Variants in DPH6 observed in about 807,000 individuals in gnomAD.
DPH6 encodes diphthamine biosynthesis 6.
Under a neutral mutation model 38.2 loss-of-function variants are expected in DPH6, and 33 were observed. The observed-to-expected ratio is 0.86, with a 90% confidence interval of 0.65 to 1.15. DPH6 has a LOEUF of 1.15. Among genes scored for constraint, DPH6 ranks in the 50% most tolerant of loss-of-function variants. The pLI is 0.00. For synonymous variants in DPH6, 108 were observed against 103.0 expected (o/e 1.05, Z -0.30); for missense variants, 325 against 320.0 (o/e 1.02, Z -0.12).
rs750520988 is a variant in DPH6 at position 35,348,827 on chromosome 15, A to G, written n.208-17750T>C. Among the ~76,000 whole-genome samples the G allele has an allele frequency of 2.0e-5, 3 of 152,050 alleles. No homozygotes were observed. The South Asian group carries it at 6.2e-4, about 32-fold the overall frequency. On this transcript the variant is annotated intron_variant and non_coding_transcript_variant, in intron 3 of 3. Transcript: ENST00000558973. ...TGTGTCTTGTTTAATTTTTTTCAGC[A>G]ATGTTTTAGAATTCTCAGTGTATAC...
chr15:35,237,320 CGA>C, intron 3 of DPH6: 1 of 1,587,104 alleles, frequency 6.3e-7, no homozygotes, highest in South Asian at 1.1e-5. Flanking sequence ...GCAGAGAACG[CGA>C]GAGATGAAGA....
rs919504619 is a variant in DPH6, at chr15:35,531,474, TA to T, written c.312+6799del. 9.2e-5 allele frequency among the ~76,000 whole-genome samples: 14 copies of T among 152,256 alleles called. 1 individual carries two copies. The highest frequency in any genetic ancestry group is 5.8e-4 in the East Asian group (3 of 5,178). On this transcript the variant is annotated intron_variant, in intron 3 of 8. Transcript: ENST00000256538. ...GCTCCCCTGTATCCGATAATTACATTAAAAAAATTTTTTTTGAGGCAGAGTC... is the reference window on the plus strand; with the variant it reads ...GCTCCCCTGTATCCGATAATTACATTAAAAAATTTTTTTTGAGGCAGAGTC...
At chr15:35,442,486 C>T (rs564874174) in intron 5 of DPH6, among the ~76,000 whole-genome samples, 2 of 152,186 alleles carry the variant, frequency 1.3e-5, no homozygotes, top group South Asian at 4.2e-4. Flanking sequence ...AAACGTTAAA[C>T]ATAGAATTAT....
At chr15:35,500,295 C>T (rs1014427021) in intron 3 of DPH6, among the ~76,000 whole-genome samples, 3 of 152,092 alleles carry the variant, frequency 2.0e-5, no homozygotes, top group South Asian at 2.1e-4. Context: ...AGCGGAATCA[C>T]GCTGATACAG....
At chr15:35,385,722 C>A (rs577680637) in intron 6 of DPH6, among the ~76,000 whole-genome samples, 1 of 152,052 alleles carries the variant, frequency 6.6e-6, no homozygotes, top group East Asian at 1.9e-4. Context: ...ATGTAACAAA[C>A]CTGCACATTC....
chr15:35,450,609 C>A, intron 5 of DPH6, 76 bp downstream of exon 5: 4 of 1,180,916 alleles, frequency 3.4e-6, no homozygotes, highest in Non-Finnish European at 4.9e-6. Context: ...TTTCTTTGTT[C>A]ATTTTAACTA....
At chr15:35,212,100 G>A in the DPH6 span, among the ~76,000 whole-genome samples, 3 of 152,148 alleles carry the variant, frequency 2.0e-5, no homozygotes, top group Admixed American at 6.5e-5. Flanking sequence ...TTAGAAAGGC[G>A]CCCAGATACA....
In DPH6 at chr15:35,242,693, T is replaced by C. The variant is rs1189920123; in HGVS notation, n.201-22111A>G. Among the ~76,000 whole-genome samples the C allele has an allele frequency of 1.4e-5, 2 of 141,980 alleles. 1 individual carries two copies. Among genetic ancestry groups the C allele is most frequent in the East Asian group, 4.4e-4 (2 of 4,548 alleles). 93.1% of individuals were successfully genotyped at this position (141,980 alleles called of 152,430 possible). A position where few individuals can be genotyped will look rare whatever the true frequency, so the allele number is the denominator to read the frequency against. On this transcript the variant is annotated intron_variant and non_coding_transcript_variant, in intron 3 of 3. Coordinates refer to the DPH6 transcript ENST00000560386. ...AAGGACTGGACAATACTTTTACCACTTTCCCTTCTCAGTAGTCAGACCTGT... is the reference window on the plus strand; with the variant it reads ...AAGGACTGGACAATACTTTTACCACCTTCCCTTCTCAGTAGTCAGACCTGT...
the DPH6 span, among the ~76,000 whole-genome samples, chr15:35,198,435 C>T: frequency 4.6e-5 from 7 of 152,282 alleles, no homozygotes; most frequent in South Asian, 1.4e-3. Context: ...AAAATATATA[C>T]ACATACAGAC....
At chr15:35,223,424 C>T (rs368325363) in intron 3 of DPH6, among the ~76,000 whole-genome samples, 29 of 152,256 alleles carry the variant, frequency 1.9e-4, no homozygotes, top group East Asian at 1.2e-3. Context: ...CCCTAGCTTA[C>T]GCCTGTAATC....
chr15:35,345,820 G>GT (rs1386105987), intron 3 of DPH6, among the ~76,000 whole-genome samples: 2 of 151,876 alleles, frequency 1.3e-5, no homozygotes, highest in Non-Finnish European at 2.9e-5. Context: ...CACCCACTGA[G>GT]TAAAGCTGGT....
At chr15:35,496,567 A>AAAAAAAAAAAAAAAAAAAAAAAATAT in intron 3 of DPH6, among the ~76,000 whole-genome samples, 3 of 31,006 alleles carry the variant, frequency 9.7e-5, no homozygotes, top group African/African-American at 2.7e-4. Context: ...AAAAAAAAAA[A>AAAAAAAAAAAAAAAAAAAAAAAATAT]ATATATATAT....
intron 3 of DPH6, among the ~76,000 whole-genome samples, chr15:35,263,396 A>ATT (rs2051761550): frequency 6.9e-6 from 1 of 145,718 alleles, no homozygotes. Context: ...AACATAATTA[A>ATT]TCTTTTTTTT....
chr15:35,237,853 G>C, intron 3 of DPH6: 2 of 1,529,092 alleles, frequency 1.3e-6, no homozygotes, highest in Non-Finnish European at 1.8e-6. Context: ...ATGAGGATGA[G>C]GAGGAGTATG....
chr15:35,387,826 C>A (rs2052991442), intron 6 of DPH6, among the ~76,000 whole-genome samples: 1 of 152,090 alleles, frequency 6.6e-6, no homozygotes, highest in South Asian at 2.1e-4. Context: ...TAATTGAATG[C>A]CCTTTATTTC....
intron 3 of DPH6, among the ~76,000 whole-genome samples, chr15:35,317,482 T>A (rs2052202357): frequency 6.8e-6 from 1 of 146,152 alleles, no homozygotes; most frequent in African/African-American, 2.6e-5. Flanking sequence ...AGAAAGATAC[T>A]CTCCAAACAA....
In DPH6 at chr15:35,546,156, G is replaced by A. The variant is rs1377183170; in HGVS notation, c.-15C>T. ...GCGACCCTCATGCTGGGCGCAGTGCGCGTGCGTGCGGCGAGCGCGGGCGGG... is the reference window on the plus strand; with the variant it reads ...GCGACCCTCATGCTGGGCGCAGTGCACGTGCGTGCGGCGAGCGCGGGCGGG... On this transcript the variant is annotated 5_prime_UTR_variant, in exon 1 of 9. Coordinates refer to ENST00000256538, the MANE Select transcript of DPH6 (RefSeq NM_080650.4). The A allele has an allele frequency of 5.1e-6, 7 of 1,378,104 alleles. No homozygotes were observed. Among genetic ancestry groups the A allele is most frequent in the African/African-American group, 1.5e-5 (1 of 67,396 alleles). 85.4% of individuals were successfully genotyped at this position (1,378,104 alleles called of 1,614,324 possible).
intron 3 of DPH6, among the ~76,000 whole-genome samples, chr15:35,354,821 A>C (rs2052545479): frequency 6.7e-6 from 1 of 150,332 alleles, no homozygotes; most frequent in Non-Finnish European, 1.5e-5. Flanking sequence ...GGATTTCCTA[A>C]CTTATTCCTG....
intron 3 of DPH6, among the ~76,000 whole-genome samples, chr15:35,270,942 C>T (rs1219605166): frequency 6.6e-6 from 1 of 152,128 alleles, no homozygotes; most frequent in South Asian, 2.1e-4. Context: ...CAGTAACTTG[C>T]CAAAGGTCAC....
Sources: gnomAD v4.1 joint callset for allele counts (sites outside exome capture counted in the v4.1 genomes callset) on GRCh38, gnomAD v4.1.1 for gene constraint, MANE v1.5 for transcripts, NCBI Gene and HGNC (gene_info 2026-07-23, HGNC 2026-07-21) for gene names.